Variants in TRAF3 observed in about 807,000 individuals in gnomAD.
TRAF3 encodes the protein TNF receptor associated factor 3, also known as TNF receptor-associated factor 3.
In TRAF3, 13 loss-of-function variants were observed where a neutral mutation model predicts 62.3. The observed-to-expected ratio is 0.21, with a 90% confidence interval of 0.14 to 0.33. TRAF3 has a LOEUF of 0.33. Among genes scored for constraint, TRAF3 ranks in the 10% least tolerant of loss-of-function variants. The pLI is 1.00. For missense variants in TRAF3, 440 were observed against 741.8 expected, an observed-to-expected ratio of 0.59 and a Z score of 4.73; for synonymous variants, 269 against 283.4, an observed-to-expected ratio of 0.95 and a Z score of 0.51.
At chr14:102,788,639 A>G (rs1317514372) in intron 1 of TRAF3, among the ~76,000 whole-genome samples, 1 of 152,214 alleles carries the variant, frequency 6.6e-6, no homozygotes, top group Non-Finnish European at 1.5e-5. Context: ...CTCTACTAAA[A>G]ATAGAAAAAT....
intron 2 of TRAF3, among the ~76,000 whole-genome samples, chr14:102,845,597 G>A (rs1456376750): frequency 2.7e-5 from 4 of 150,548 alleles, no homozygotes; most frequent in African/African-American, 7.4e-5. Flanking sequence ...CTCACTGCAA[G>A]CTCTGCCTCG....
chr14:102,803,800 C>T lies in TRAF3; in HGVS notation c.-157+26125C>T, dbSNP rs534451257. ...TGTACGGTTTCTGATTTCTCTCAGC[C>T]CATCTGTCCTTCACTTGCAAGCATC... On this transcript the variant is annotated intron_variant, in intron 1 of 11. Transcript: ENST00000392745. Among the ~76,000 whole-genome samples, 8 of 152,260 alleles carry T rather than the reference C, an allele frequency of 5.3e-5. No individual in the cohort carries two copies. The East Asian group carries it at 9.6e-4, about 18-fold the overall frequency.
intron 2 of TRAF3, among the ~76,000 whole-genome samples, chr14:102,831,325 T>C (rs998571375): frequency 7.9e-5 from 12 of 152,322 alleles, no homozygotes; most frequent in African/African-American, 2.6e-4. Flanking sequence ...GACCACACAG[T>C]GAGCAGGGCA....
chr14:102,824,507 C>G (rs60040364), intron 1 of TRAF3, among the ~76,000 whole-genome samples: 1 of 152,326 alleles, frequency 6.6e-6, no homozygotes, highest in Admixed American at 6.5e-5. Flanking sequence ...AATGATTTGT[C>G]TATGTTTTCC....
rs1887140045 is a variant in TRAF3, at chr14:102,853,024, C to T, written c.-17-17161C>T. Among the ~76,000 whole-genome samples, 4 of 152,150 alleles carry T rather than the reference C, an allele frequency of 2.6e-5. 1 individual carries two copies. Among genetic ancestry groups the T allele is most frequent in the Admixed American group, 2.6e-4 (4 of 15,284 alleles). ...TTCTCATATTCTCCTGCCTCAGCCT[C>T]CTGAGTAGCTGGGACTGCAGGCTCA... On this transcript the variant is annotated intron_variant, in intron 2 of 11. Transcript: ENST00000392745.
intron 2 of TRAF3, among the ~76,000 whole-genome samples, chr14:102,845,423 G>A (rs898795283): frequency 2.0e-5 from 3 of 150,736 alleles, no homozygotes; most frequent in Non-Finnish European, 4.4e-5. Flanking sequence ...GGCTGGTCTC[G>A]AACTCCTGAC....
At chr14:102,875,525 CTT>C in intron 4 of TRAF3, 97 bp from the exon 5 acceptor site, 2 of 905,588 alleles carry the variant, frequency 2.2e-6, no homozygotes, top group South Asian at 1.4e-5. Flanking sequence ...GAGTTCCTCT[CTT>C]GTTTTTTTTT....
intron 9 of TRAF3, 42 bp from the exon 10 acceptor site, chr14:102,897,219 A>C (rs1478968300): frequency 1.3e-6 from 2 of 1,575,280 alleles, no homozygotes; most frequent in Admixed American, 3.5e-5. Flanking sequence ...ATTAATATGA[A>C]AACCACTTTT....
chr14:102,903,152 C>T lies in TRAF3; in HGVS notation c.961-103C>T, dbSNP rs775342586. 9 of 1,546,516 alleles carry T rather than the reference C, an allele frequency of 5.8e-6. No individual in the cohort carries two copies. The highest frequency in any genetic ancestry group is 1.7e-4 in the Middle Eastern group (1 of 5,942). ...CGGGTGGCAGGCCTCATACAGGGGCCTCTGACTGTTCTGCTCCTAGCCTGT... is the reference window on the plus strand; with the variant it reads ...CGGGTGGCAGGCCTCATACAGGGGCTTCTGACTGTTCTGCTCCTAGCCTGT... On this transcript the variant is annotated intron_variant, in intron 10 of 11. Coordinates refer to ENST00000392745, the MANE Select transcript of TRAF3 (RefSeq NM_145725.3). The surrounding 1 kb of genome is among the most constrained non-coding windows in gnomAD (Gnocchi z 6.4).
chr14:102,861,573 A>T (rs1464591534), intron 2 of TRAF3, among the ~76,000 whole-genome samples: 2 of 151,986 alleles, frequency 1.3e-5, no homozygotes, highest in Non-Finnish European at 2.9e-5. Flanking sequence ...GCTGCAGTCT[A>T]TTTCCTTTGG....
chr14:102,836,571 G>A (rs545484310), intron 2 of TRAF3, among the ~76,000 whole-genome samples: 17 of 152,338 alleles, frequency 1.1e-4, no homozygotes, highest in African/African-American at 4.1e-4. Context: ...ATCTGGAAAT[G>A]TTTTACACTT....
At chr14:102,790,228 G>A (rs543105346) in intron 1 of TRAF3, among the ~76,000 whole-genome samples, 2 of 152,232 alleles carry the variant, frequency 1.3e-5, no homozygotes, top group Admixed American at 6.5e-5. Flanking sequence ...TTCATTCTTT[G>A]TATGTTCTTA....
intron 2 of TRAF3, among the ~76,000 whole-genome samples, chr14:102,844,726 A>G (rs1338215453): frequency 6.6e-6 from 1 of 152,180 alleles, no homozygotes; most frequent in Non-Finnish European, 1.5e-5. Flanking sequence ...ATTCAAAATT[A>G]TGATGAAATT....
rs1007681225 is a variant in TRAF3 at position 102,876,753 on chromosome 14, C to G, written c.570+228C>G. 1.1e-5 allele frequency: 6 copies of G among 555,768 alleles called. No homozygotes were observed. The Admixed American group carries it at 1.7e-4, about 15-fold the overall frequency. 34.4% of individuals were successfully genotyped at this position (555,768 alleles called of 1,614,324 possible). A position where few individuals can be genotyped will look rare whatever the true frequency, so the allele number is the denominator to read the frequency against. On this transcript the variant is annotated intron_variant, in intron 6 of 11. Transcript: ENST00000392745. ...GCCTTCCCTCAACTCATAGATAATC[C>G]GTTCCACAGGCCTTCCGCTCAGCTC...
intron 7 of TRAF3, 43 bp downstream of exon 7, chr14:102,886,312 G>T: frequency 6.4e-7 from 1 of 1,550,998 alleles, no homozygotes. Context: ...GGAGTCCTCA[G>T]GGCTGCGTGC....
chr14:102,785,347 C>A (rs571882663), intron 1 of TRAF3, among the ~76,000 whole-genome samples: 8 of 152,318 alleles, frequency 5.3e-5, no homozygotes, highest in African/African-American at 1.7e-4. Flanking sequence ...GTTCTTTACG[C>A]AGTGGCTCAG....
intron 2 of TRAF3, among the ~76,000 whole-genome samples, chr14:102,847,063 C>T (rs934685585): frequency 2.0e-5 from 3 of 152,122 alleles, no homozygotes; most frequent in African/African-American, 7.2e-5. Flanking sequence ...TTTTATAGTG[C>T]ATGTTCCATT....
At chr14:102,788,034 A>G (rs1336920191) in intron 1 of TRAF3, among the ~76,000 whole-genome samples, 1 of 151,246 alleles carries the variant, frequency 6.6e-6, no homozygotes, top group South Asian at 2.1e-4. Context: ...GTATTTTTTT[A>G]GTAGAGACAG....
At chr14:102,864,153 T>C (rs545873110) in intron 2 of TRAF3, among the ~76,000 whole-genome samples, 23 of 150,210 alleles carry the variant, frequency 1.5e-4, no homozygotes, top group Admixed American at 9.9e-4. Context: ...TTTTCTTTTT[T>C]TTTTTTTTTT....
Sources: gnomAD v4.1 joint callset for allele counts (sites outside exome capture counted in the v4.1 genomes callset) on GRCh38, gnomAD v4.1.1 for gene constraint, Gnocchi (gnomAD v3.1) non-coding constraint, MANE v1.5 for transcripts, NCBI Gene and HGNC (gene_info 2026-07-23, HGNC 2026-07-21) for gene names.